USH2A: variants seen among roughly 807,000 people sequenced by gnomAD.
USH2A encodes the protein usherin, also known as Usher syndrome 2A (autosomal recessive, mild).
A neutral mutation model predicts 538.9 loss-of-function variants in USH2A; 443 were observed. The ratio of observed to expected loss-of-function variants is 0.82; its 90% CI spans 0.76 to 0.89. The LOEUF is 0.89. USH2A is among the 40% of genes least tolerant of loss of function. The pLI, the probability that USH2A is intolerant of heterozygous loss-of-function variation, is 0.00. For missense variants in USH2A, 6,633 were observed against 6,324.8 expected (o/e 1.05, Z -1.65); for synonymous variants, 2,413 against 2,273.5 (o/e 1.06, Z -1.75).
intron 60 of USH2A, among the ~76,000 whole-genome samples, chr1:215,740,242 T>A: frequency 6.6e-6 from 1 of 152,284 alleles, no homozygotes; most frequent in South Asian, 2.1e-4. Context: ...CATTCATTAT[T>A]TATTTAAAGA....
intron 27 of USH2A, among the ~76,000 whole-genome samples, chr1:216,074,973 A>T (rs940169348): frequency 6.6e-6 from 1 of 152,190 alleles, no homozygotes; most frequent in Non-Finnish European, 1.5e-5. Flanking sequence ...ATGCCACTAA[A>T]CTGTACATTT....
At position 215,905,664 on chromosome 1, in the gene USH2A, T is replaced by G. The variant is rs1478504386; in HGVS notation, c.7301-4759A>C. ...TCCCTGGCTTGCAGAAGCACTGCCC[T>G]GGGGGTACTATCAGTTGTTCATCCA... On this transcript the variant is annotated intron_variant, in intron 38 of 71. Transcript: ENST00000307340. Among the ~76,000 whole-genome samples, 3 of 152,046 alleles carry G rather than the reference T, an allele frequency of 2.0e-5. No individual in the cohort carries two copies. The East Asian group carries it at 5.8e-4, about 29-fold the overall frequency.
chr1:215,679,774 C>T (rs11578710), intron 62 of USH2A, among the ~76,000 whole-genome samples: 38,616 of 152,126 alleles, frequency 0.25, 5,270 homozygotes, highest in South Asian at 0.51. Flanking sequence ...GCAGTAAGAA[C>T]ACAGTCATTT....
At chr1:215,651,288 T>C (rs1228282185) in intron 64 of USH2A, among the ~76,000 whole-genome samples, 1 of 152,208 alleles carries the variant, frequency 6.6e-6, no homozygotes, top group African/African-American at 2.4e-5. Flanking sequence ...TTTGTATAAT[T>C]AAACACGAAT....
chr1:216,258,979 A>T (rs700021), intron 11 of USH2A, among the ~76,000 whole-genome samples: 95,988 of 151,894 alleles, frequency 0.63, 30,731 homozygotes, highest in East Asian at 0.72. Context: ...CAAGCTCTCA[A>T]CCCAAATAAC....
At position 216,126,689 on chromosome 1, in the gene USH2A, C is replaced by CAAT. The variant is rs969408136; in HGVS notation, c.4628-29479_4628-29477dup. Among the ~76,000 whole-genome samples the CAAT allele has an allele frequency of 1.5e-4, 22 of 151,590 alleles. No homozygotes were observed. The East Asian group carries it at 1.7e-3, about 12-fold the overall frequency. The stretch of plus-strand genomic sequence containing the variant: ...CAAAAACCAAGGCTCCTAATTTTTG[C>CAAT]AATAATAATAATAATAATAAAAGCC... On this transcript the variant is annotated intron_variant, in intron 21 of 71. Coordinates refer to ENST00000307340, the MANE Select transcript of USH2A (RefSeq NM_206933.4).
chr1:215,683,085 C>A (rs887654661), intron 61 of USH2A, among the ~76,000 whole-genome samples: 2 of 151,900 alleles, frequency 1.3e-5, no homozygotes, highest in Admixed American at 6.6e-5. Flanking sequence ...TTGGGTATCA[C>A]TATGTTGCCC....
At position 216,200,140 on chromosome 1, in the gene USH2A, A is replaced by G. The variant is rs1251254316; in HGVS notation, c.3317-19T>C. On this transcript the variant is annotated intron_variant, in intron 16 of 71. Transcript: ENST00000307340. ...TGAATACCTGAAATGAAAAGAAAAA[A>G]AAAAAACAAAGTTACATTTCACAAG... 9 of 1,603,228 alleles carry G rather than the reference A, an allele frequency of 5.6e-6. No individual in the cohort carries two copies. The highest frequency in any genetic ancestry group is 7.6e-6 in the Non-Finnish European group (9 of 1,177,464).
chr1:216,013,192 C>A (rs1293134890), intron 32 of USH2A, among the ~76,000 whole-genome samples: 1 of 151,986 alleles, frequency 6.6e-6, no homozygotes, highest in Admixed American at 6.6e-5. Context: ...GTTTTTAATT[C>A]ATACAAAACT....
chr1:215,989,954 C>T (rs148837169), intron 35 of USH2A, among the ~76,000 whole-genome samples: 2 of 152,146 alleles, frequency 1.3e-5, no homozygotes, highest in Non-Finnish European at 2.9e-5. Context: ...GTGGTGGAGC[C>T]TAGAATCTAC....
chr1:215,743,416 GTA>G lies in USH2A; in HGVS notation c.11390-83_11390-82del, dbSNP rs1263179301. 5.4e-3 allele frequency: 1,296 copies of G among 238,098 alleles called. 22 individuals are homozygous for G. The highest frequency in any genetic ancestry group is 9.9e-3 in the Admixed American group (110 of 11,064). 14.7% of individuals were successfully genotyped at this position (238,098 alleles called of 1,614,324 possible). A position where few individuals can be genotyped will look rare whatever the true frequency, so the allele number is the denominator to read the frequency against. ...TGTGTGTGTGTGTGTGTGTGTGTGT[GTA>G]TATATATATAGACACACATATATAT... On this transcript the variant is annotated intron_variant, in intron 58 of 71. Transcript: ENST00000307340.
chr1:216,060,283 G>A (rs190506856), intron 30 of USH2A, among the ~76,000 whole-genome samples: 1 of 152,250 alleles, frequency 6.6e-6, no homozygotes, highest in Non-Finnish European at 1.5e-5. Flanking sequence ...CATTTTATAA[G>A]TAATCTGAGA....
chr1:216,145,746 A>T (rs1422047478), intron 21 of USH2A, among the ~76,000 whole-genome samples: 3 of 152,154 alleles, frequency 2.0e-5, no homozygotes, highest in Non-Finnish European at 4.4e-5. Flanking sequence ...CCACAAAAGA[A>T]GTGTAAATGG....
intron 3 of USH2A, among the ~76,000 whole-genome samples, chr1:216,376,402 GA>G (rs2038821501): frequency 6.6e-6 from 1 of 151,744 alleles, no homozygotes; most frequent in African/African-American, 2.4e-5. Flanking sequence ...TAAGTTGTGG[GA>G]AAACAGAAAA....
At position 215,965,533 on chromosome 1, in the gene USH2A, C is replaced by T. The variant is rs929264514; in HGVS notation, c.6958-54G>A. On this transcript the variant is annotated intron_variant, in intron 36 of 71. Transcript: ENST00000307340. Reference sequence around the variant, plus strand: ...TTGCAAATAAAATAAGTACATGCTTCGCTTTGAGCATATTTCTTCAAAGAA... The same window carrying T: ...TTGCAAATAAAATAAGTACATGCTTTGCTTTGAGCATATTTCTTCAAAGAA... 1.3e-5 allele frequency: 20 copies of T among 1,591,678 alleles called. 1 individual carries two copies. Among genetic ancestry groups the T allele is most frequent in the Admixed American group, 1.7e-5 (1 of 58,456 alleles).
At chr1:216,276,201 T>C (rs2036667862) in intron 11 of USH2A, among the ~76,000 whole-genome samples, 1 of 152,150 alleles carries the variant, frequency 6.6e-6, no homozygotes, top group Non-Finnish European at 1.5e-5. Flanking sequence ...AGGACTGAAT[T>C]AATGAACTAC....
chr1:215,700,564 A>G (rs1489765829), intron 61 of USH2A, among the ~76,000 whole-genome samples: 2 of 151,998 alleles, frequency 1.3e-5, no homozygotes, highest in African/African-American at 2.4e-5. Flanking sequence ...GAATTTATCC[A>G]TTTCTTCTAG....
chr1:216,219,272 T>C (rs1418899268), intron 14 of USH2A, among the ~76,000 whole-genome samples: 2 of 152,112 alleles, frequency 1.3e-5, no homozygotes, highest in African/African-American at 4.8e-5. Context: ...AGTCAACTTA[T>C]CTGACTTGTT....
intron 21 of USH2A, among the ~76,000 whole-genome samples, chr1:216,119,392 A>G (rs978694476): frequency 6.6e-6 from 1 of 151,980 alleles, no homozygotes; most frequent in African/African-American, 2.4e-5. Context: ...TGAGTTGTTT[A>G]GCTTTGTGAG....
Sources: gnomAD v4.1 joint callset for allele counts (sites outside exome capture counted in the v4.1 genomes callset) on GRCh38, gnomAD v4.1.1 for gene constraint, MANE v1.5 for transcripts, NCBI Gene and HGNC (gene_info 2026-07-23, HGNC 2026-07-21) for gene names.